The following CCDC191 variants were observed in gnomAD, a reference collection of about 807,000 sequenced individuals.
CCDC191 encodes the protein coiled-coil domain containing 191.
In CCDC191, 99 loss-of-function variants were observed where a neutral mutation model predicts 114.0. The observed-to-expected ratio is 0.87, with a 90% CI of 0.74 to 1.03. The LOEUF (loss-of-function observed/expected upper bound fraction) is 1.03. CCDC191 is among the 50% of genes least tolerant of loss of function. The pLI is 0.00. For missense variants in CCDC191, 973 were observed against 1,087.0 expected (o/e 0.90, Z 1.47); for synonymous variants, 351 against 376.0 (o/e 0.93, Z 0.77).
intron 8 of CCDC191, 117 bp downstream of exon 8, chr3:114,018,561 A>T: frequency 1.2e-6 from 1 of 807,144 alleles, no homozygotes. Context: ...TGATTACCAT[A>T]TTTCATAAGT....
At chr3:114,040,554 A>G (rs531175416) in intron 4 of CCDC191, among the ~76,000 whole-genome samples, 1 of 152,264 alleles carries the variant, frequency 6.6e-6, no homozygotes, top group East Asian at 1.9e-4. Context: ...TTAAAAATCA[A>G]AGAAAAAAAT....
chr3:114,033,666 T>TA (rs1478292794), intron 6 of CCDC191, among the ~76,000 whole-genome samples: 1 of 152,252 alleles, frequency 6.6e-6, no homozygotes, highest in Non-Finnish European at 1.5e-5. Context: ...CATTAAACGT[T>TA]ACTTGTTTTC....
In CCDC191 at chr3:114,002,474, T is replaced by C. The variant is rs777395402; in HGVS notation, c.2043A>G (p.Lys681=). The part of the protein sequence containing the change: ...CRRILAEKKK[K]QEEEKLAQLK... ...CTATTACCAATTTTTCTTCTTCTTG[T>C]TTTTTCTTCTTCTCTGCCAAGATCC... is the stretch of plus-strand genomic sequence containing the variant. Residue 681 remains lysine, a synonymous_variant, in exon 12 of 17, where the codon AAA becomes AAG. Coordinates refer to ENST00000295878, the MANE Select transcript of CCDC191 (RefSeq NM_020817.2). 1 of 1,609,952 alleles carries C rather than the reference T, an allele frequency of 6.2e-7. No homozygotes were observed. Among genetic ancestry groups the C allele is most frequent in the Admixed American group, 1.7e-5 (1 of 59,444 alleles).
At chr3:113,994,927 C>A (rs2075679060) in intron 13 of CCDC191, among the ~76,000 whole-genome samples, 2 of 152,046 alleles carry the variant, frequency 1.3e-5, no homozygotes, top group Admixed American at 1.3e-4. Context: ...ATGTTTCTAG[C>A]AACTTTACTA....
Position 114,026,481 on chromosome 3 carries a change from G to A in CCDC191, c.972+5145C>T, listed in dbSNP as rs546575302. Among the ~76,000 whole-genome samples the A allele has an allele frequency of 3.3e-5, 5 of 152,218 alleles. No individual in the cohort carries two copies. In the South Asian group the frequency reaches 6.2e-4, roughly 19 times the overall value. ...GTGCTGGCATTTCTCTTTTTCTGTC[G>A]TTTTATTTCTAAAGAGGCTTTTCCT... is the stretch of plus-strand genomic sequence containing the variant. On this transcript the variant is annotated intron_variant, in intron 7 of 16. Transcript: ENST00000295878.
At chr3:114,015,474 T>C (rs1027057841) in intron 8 of CCDC191, among the ~76,000 whole-genome samples, 2 of 152,178 alleles carry the variant, frequency 1.3e-5, no homozygotes, top group African/African-American at 2.4e-5. Context: ...AGTTTTTAAG[T>C]AGTGATTTAT....
intron 1 of CCDC191, chr3:114,054,105 C>T (rs10155047): frequency 0.11 from 16,477 of 152,378 alleles, 1,026 homozygotes; most frequent in African/African-American, 0.16. Flanking sequence ...TCATCTTACC[C>T]AGATCAGGGA....
At chr3:114,042,614 A>G in intron 4 of CCDC191, 89 bp downstream of exon 4, 1 of 1,082,192 alleles carries the variant, frequency 9.2e-7, no homozygotes, top group Non-Finnish European at 1.3e-6. Flanking sequence ...AAACTTAAAT[A>G]TGTATCATTT....
At chr3:114,036,558 C>A in intron 5 of CCDC191, 50 bp downstream of exon 5, 1 of 1,368,498 alleles carries the variant, frequency 7.3e-7, no homozygotes, top group South Asian at 1.5e-5. Flanking sequence ...AAATGTGTTA[C>A]ACAAAGACTG....
At chr3:114,016,093 C>T (rs955414243) in intron 8 of CCDC191, among the ~76,000 whole-genome samples, 29 of 152,200 alleles carry the variant, frequency 1.9e-4, no homozygotes, top group African/African-American at 6.5e-4. Context: ...CAAACACACA[C>T]GTCAGCGAGG....
intron 4 of CCDC191, 127 bp downstream of exon 4, chr3:114,042,576 C>A: frequency 2.9e-5 from 19 of 655,796 alleles, no homozygotes; most frequent in South Asian, 1.4e-4. Context: ...AAATTAAAAC[C>A]AATAATAAAA....
At chr3:114,002,747 A>G (rs2075878640) in intron 11 of CCDC191, 12 of 917,690 alleles carry the variant, frequency 1.3e-5, no homozygotes, top group Non-Finnish European at 1.6e-5. Flanking sequence ...ATCCTCAGCA[A>G]TGAGGAACAA....
chr3:113,980,942 T>TA (rs538056354), intron 13 of CCDC191, 149 bp from the exon 14 acceptor site: 234 of 698,450 alleles, frequency 3.4e-4, no homozygotes, highest in African/African-American at 2.0e-3. Context: ...GCTTTTTCTT[T>TA]AAAAAAAAGG....
intron 9 of CCDC191, among the ~76,000 whole-genome samples, chr3:114,007,295 T>A (rs1181474442): frequency 6.6e-6 from 1 of 152,238 alleles, no homozygotes; most frequent in Non-Finnish European, 1.5e-5. Flanking sequence ...TGCTATGAGC[T>A]ATCTAAATAT....
Position 114,005,803 on chromosome 3 carries a change from C to A in CCDC191, c.1573G>T (p.Ala525Ser), listed in dbSNP as rs765350355. 2 of 1,613,922 alleles carry A rather than the reference C, an allele frequency of 1.2e-6. No individual in the cohort carries two copies. Among genetic ancestry groups the A allele is most frequent in the Non-Finnish European group, 1.7e-6 (2 of 1,179,990 alleles). The change falls in exon 10 of 17, where the codon GCT becomes TCT. Residue 525 changes from alanine (A) to serine (S), a missense_variant. Transcript: ENST00000295878. The stretch of plus-strand genomic sequence containing the variant: ...CTGCCAGGCTGTTGAGAGGGTTCAG[C>A]ACCCAGGGTCTTGTGCTGCTTATTG... The part of the protein sequence containing the change: ...PGNKQHKTLG[A>S]EPSQQPGSNE...
At chr3:113,972,811 CCTTT>C (rs1210088906) in intron 16 of CCDC191, among the ~76,000 whole-genome samples, 3 of 152,024 alleles carry the variant, frequency 2.0e-5, no homozygotes, top group South Asian at 2.1e-4. Flanking sequence ...TATATAATGA[CCTTT>C]CTTTATTTCT....
At chr3:114,040,576 G>GT (rs2076547088) in intron 4 of CCDC191, among the ~76,000 whole-genome samples, 1 of 152,010 alleles carries the variant, frequency 6.6e-6, no homozygotes. Flanking sequence ...AAAATAAAAA[G>GT]TCTTATTTTT....
chr3:114,052,330 T>G (rs2076708401), intron 2 of CCDC191, among the ~76,000 whole-genome samples: 1 of 152,158 alleles, frequency 6.6e-6, no homozygotes, highest in African/African-American at 2.4e-5. Context: ...GAGCAAAATT[T>G]TATCTTCCTG....
chr3:114,038,606 G>A (rs1384834422), intron 4 of CCDC191, among the ~76,000 whole-genome samples: 1 of 152,114 alleles, frequency 6.6e-6, no homozygotes. Flanking sequence ...CTTTATAATA[G>A]AATGATTTCT....
Sources: allele counts gnomAD v4.1 joint callset (sites outside exome capture counted in the v4.1 genomes callset), GRCh38; gene constraint gnomAD v4.1.1; transcripts MANE v1.5; gene names NCBI Gene and HGNC (gene_info 2026-07-23, HGNC 2026-07-21).